Variants in ELK4 observed in about 807,000 individuals in gnomAD.
The protein encoded by ELK4 is ETS transcription factor ELK4, also known as ETS domain-containing protein Elk-4.
ELK4 carries 16 observed loss-of-function variants against 29.6 expected under a neutral mutation model. The observed-to-expected ratio is 0.54, with a 90% CI of 0.37 to 0.82. ELK4 has a LOEUF of 0.82. ELK4 is among the 40% of genes least tolerant of loss of function. The pLI is 0.00. For missense variants in ELK4, 465 were observed against 507.1 expected (o/e 0.92, Z 0.80); for synonymous variants, 213 against 191.1 (o/e 1.11, Z -0.95).
chr1:205,612,723 G>C lies in ELK4; in HGVS notation c.*3823C>G. 1 of 210,640 alleles carries C rather than the reference G, an allele frequency of 4.7e-6. No homozygotes were observed. Among genetic ancestry groups the C allele is most frequent in the Non-Finnish European group, 9.6e-6 (1 of 103,798 alleles). 13.0% of individuals were successfully genotyped at this position (210,640 alleles called of 1,614,324 possible). A position where few individuals can be genotyped will look rare whatever the true frequency, so the allele number is the denominator to read the frequency against. The stretch of plus-strand genomic sequence containing the variant: ...AGGATGAAACAATGTTGTCAGACTG[G>C]ACGTCACACAATGCAGGGGTGAATG... On this transcript the variant is annotated 3_prime_UTR_variant, in exon 5 of 5. Coordinates refer to ENST00000357992, the MANE Select transcript of ELK4 (RefSeq NM_001973.4).
Position 205,611,325 on chromosome 1 carries a change from G to A in ELK4, c.*5221C>T. The A allele has an allele frequency of 4.8e-6, 1 of 210,190 alleles. No individual in the cohort carries two copies. The allele number at this position is 210,190 out of a possible 1,614,324, so 13.0% of individuals were successfully genotyped here. A position where few individuals can be genotyped will look rare whatever the true frequency, so the allele number is the denominator to read the frequency against. ...CTTGTATAGTAACAGGTTCCACCAA[G>A]TACAAGAAATAAAATCAAACCACCT... On this transcript the variant is annotated 3_prime_UTR_variant, in exon 5 of 5. Transcript: ENST00000357992.
chr1:205,631,711 T>C lies in ELK4; in HGVS notation c.-89A>G. On this transcript the variant is annotated 5_prime_UTR_variant, in exon 1 of 5. Coordinates refer to ENST00000357992, the MANE Select transcript of ELK4 (RefSeq NM_001973.4). ...TCCGCCCTCAGCCTCCTCCTCACGCTGGAAACTCGAGGACGGCGCGGCAGC... is the reference window on the plus strand; with the variant it reads ...TCCGCCCTCAGCCTCCTCCTCACGCCGGAAACTCGAGGACGGCGCGGCAGC... The C allele has an allele frequency of 3.0e-6, 1 of 338,936 alleles. No homozygotes were observed. The highest frequency in any genetic ancestry group is 2.0e-5 in the South Asian group (1 of 50,568). 21.0% of individuals were successfully genotyped at this position (338,936 alleles called of 1,614,324 possible). A position where few individuals can be genotyped will look rare whatever the true frequency, so the allele number is the denominator to read the frequency against.
intron 3 of ELK4, chr1:205,619,469 T>A (rs539790359): frequency 4.1e-5 from 44 of 1,066,984 alleles, no homozygotes; most frequent in Non-Finnish European, 4.8e-5. Flanking sequence ...GACACCAGCA[T>A]GTTTGTTTTT....
In ELK4 at chr1:205,631,743, G is replaced by C. The variant is rs942092927; in HGVS notation, c.-121C>G. On this transcript the variant is annotated 5_prime_UTR_variant, in exon 1 of 5. Coordinates refer to ENST00000357992, the MANE Select transcript of ELK4 (RefSeq NM_001973.4). ...TCGAGGACGGCGCGGCAGCCGCTGC[G>C]ACCCCCGCGGCGGAGCCGTAGAAGG... The C allele has an allele frequency of 9.9e-6, 3 of 303,746 alleles. No individual in the cohort carries two copies. Among genetic ancestry groups the C allele is most frequent in the African/African-American group, 6.7e-5 (3 of 44,578 alleles). The allele number at this position is 303,746 out of a possible 1,614,324, so 18.8% of individuals were successfully genotyped here.
intron 4 of ELK4, among the ~76,000 whole-genome samples, chr1:205,617,149 G>A (rs1670244166): frequency 6.6e-6 from 1 of 152,144 alleles, no homozygotes; most frequent in Non-Finnish European, 1.5e-5. Flanking sequence ...CTTTGCTTAA[G>A]GTCTCAGCTG....
intron 1 of ELK4, chr1:205,625,616 G>C (rs1276831522): frequency 3.3e-6 from 4 of 1,230,180 alleles, no homozygotes; most frequent in Non-Finnish European, 4.8e-6. Context: ...TAGGAGACCT[G>C]GACCAAAAGA....
chr1:205,629,736 T>C (rs984441046), intron 1 of ELK4, among the ~76,000 whole-genome samples: 61 of 72,926 alleles, frequency 8.4e-4, no homozygotes, highest in African/African-American at 1.8e-3. Context: ...ATAAATAAAA[T>C]AAAAGCTAAA....
rs1417565418 is a variant in ELK4 at position 205,609,607 on chromosome 1, GTACA to G, written c.*6935_*6938del. ...TAAACAATAAATGTAAGCAATGAAT[GTACA>G]TACAAAGGCCACTGGTTAATACTGC... is the stretch of plus-strand genomic sequence containing the variant. On this transcript the variant is annotated 3_prime_UTR_variant, in exon 5 of 5. Coordinates refer to ENST00000357992, the MANE Select transcript of ELK4 (RefSeq NM_001973.4). 2.5e-5 allele frequency: 5 copies of G among 202,422 alleles called. No homozygotes were observed. The highest frequency in any genetic ancestry group is 5.1e-5 in the Non-Finnish European group (5 of 98,528). 12.5% of individuals were successfully genotyped at this position (202,422 alleles called of 1,614,324 possible).
chr1:205,625,679 C>A, intron 1 of ELK4: 11 of 693,346 alleles, frequency 1.6e-5, no homozygotes, highest in Non-Finnish European at 2.8e-5. Context: ...GCTGCTGCTT[C>A]TTTTTTTTTT....
In ELK4 at chr1:205,609,852, T is replaced by C. The variant is rs116507898; in HGVS notation, c.*6694A>G. 3,661 of 226,190 alleles carry C rather than the reference T, an allele frequency of 0.016. 55 individuals carry two copies. Among genetic ancestry groups the C allele is most frequent in the South Asian group, 0.034 (188 of 5,458 alleles). The allele number at this position is 226,190 out of a possible 1,614,324, so 14.0% of individuals were successfully genotyped here. On this transcript the variant is annotated 3_prime_UTR_variant, in exon 5 of 5. Transcript: ENST00000357992. ...TTAAAATATCCTAGCCAAAAGGGCA[T>C]ACCTTACAGAGCCTAGAAGAATGGC...
At chr1:205,618,573 C>T (rs530047897) in intron 4 of ELK4, among the ~76,000 whole-genome samples, 15 of 152,290 alleles carry the variant, frequency 9.8e-5, no homozygotes, top group African/African-American at 3.6e-4. Flanking sequence ...CCTGTAATCC[C>T]AACACTTTGG....
Position 205,631,662 on chromosome 1 carries a change from T to C in ELK4, c.-40A>G, listed in dbSNP as rs1480398150. The C allele has an allele frequency of 5.9e-6, 2 of 341,440 alleles. No homozygotes were observed. Among genetic ancestry groups the C allele is most frequent in the Non-Finnish European group, 1.2e-5 (2 of 165,774 alleles). 21.2% of individuals were successfully genotyped at this position (341,440 alleles called of 1,614,324 possible). A position where few individuals can be genotyped will look rare whatever the true frequency, so the allele number is the denominator to read the frequency against. ...CCGCGCGCGGGGCTCCCCCTCGGTCTCCGCCTCGAACACGATGCGCCTCTC... is the reference window on the plus strand; with the variant it reads ...CCGCGCGCGGGGCTCCCCCTCGGTCCCCGCCTCGAACACGATGCGCCTCTC... On this transcript the variant is annotated 5_prime_UTR_variant, in exon 1 of 5. Transcript: ENST00000357992.
intron 1 of ELK4, among the ~76,000 whole-genome samples, chr1:205,624,992 TG>T (rs2102383055): frequency 6.6e-6 from 1 of 152,272 alleles, no homozygotes; most frequent in African/African-American, 2.4e-5. Flanking sequence ...TCCGTATAAG[TG>T]TGTCCTAAGA....
At position 205,631,849 on chromosome 1, in the gene ELK4, C is replaced by A. The variant is rs7417466; in HGVS notation, c.-227G>T. ...GCCGCGGCTCCTGGCGCCCCGCCCT[C>A]CCCGCCCCCGCACGCGGCAGCGGCG... On this transcript the variant is annotated 5_prime_UTR_variant, in exon 1 of 5. Coordinates refer to ENST00000357992, the MANE Select transcript of ELK4 (RefSeq NM_001973.4). 0.074 allele frequency: 11,043 copies of A among 148,370 alleles called. 707 individuals are homozygous for A. The highest frequency in any genetic ancestry group is 0.34 in the East Asian group (1,706 of 5,050). The allele number at this position is 148,370 out of a possible 1,614,324, so 9.2% of individuals were successfully genotyped here.
chr1:205,623,412 C>T (rs1480207545), intron 2 of ELK4, among the ~76,000 whole-genome samples: 1 of 150,132 alleles, frequency 6.7e-6, no homozygotes, highest in Non-Finnish European at 1.5e-5. Context: ...CGGGTTCAAA[C>T]GATTCTCCTG....
At chr1:205,628,841 A>G (rs200361281) in intron 1 of ELK4, among the ~76,000 whole-genome samples, 1 of 151,084 alleles carries the variant, frequency 6.6e-6, no homozygotes, top group East Asian at 2.0e-4. Context: ...TAGCAACTAC[A>G]GTGTGTCTAC....
chr1:205,624,038 G>T, intron 1 of ELK4, 147 bp from the exon 2 acceptor site: 2 of 730,028 alleles, frequency 2.7e-6, no homozygotes, highest in Non-Finnish European at 4.4e-6. Context: ...CTCATTTTAC[G>T]TAAGAAAAAA....
rs1670157421 is a variant in ELK4, at chr1:205,612,022, CAT to C, written c.*4522_*4523del. On this transcript the variant is annotated 3_prime_UTR_variant, in exon 5 of 5. Transcript: ENST00000357992. The stretch of plus-strand genomic sequence containing the variant: ...TTCTAAATTTGTTGGTAAAATATAA[CAT>C]AAGTCCCAAAGAAGTCTGTGAGCAG... The C allele has an allele frequency of 5.3e-6, 1 of 188,932 alleles. No individual in the cohort carries two copies. The highest frequency in any genetic ancestry group is 1.1e-5 in the Non-Finnish European group (1 of 89,940). 11.7% of individuals were successfully genotyped at this position (188,932 alleles called of 1,614,324 possible).
Position 205,616,618 on chromosome 1 carries a change from C to G in ELK4, c.1224G>C (p.Gly408=). 6.2e-7 allele frequency: 1 copy of G among 1,614,074 alleles called. No homozygotes were observed. The highest frequency in any genetic ancestry group is 8.5e-7 in the Non-Finnish European group (1 of 1,179,996). Residue 408 remains glycine, a synonymous_variant, in exon 5 of 5, where the codon GGG becomes GGC. Transcript: ENST00000357992. Reference sequence around the variant, plus strand: ...CATCCAGCCCAGACAGAGTGAATGGCCCATGACTGTTCAGTACAGAAGGAA... The same window carrying G: ...CATCCAGCCCAGACAGAGTGAATGGGCCATGACTGTTCAGTACAGAAGGAA... ...FQFPSVLNSH[G]PFTLSGLDGP...
Sources: allele counts gnomAD v4.1 joint callset (sites outside exome capture counted in the v4.1 genomes callset), GRCh38; gene constraint gnomAD v4.1.1; transcripts MANE v1.5; gene names NCBI Gene and HGNC (gene_info 2026-07-23, HGNC 2026-07-21).